TCF12: variants seen among roughly 807,000 people sequenced by gnomAD.
TCF12 encodes the protein transcription factor 12, also known as DNA-binding protein HTF4.
In TCF12, 45 loss-of-function variants were observed where a neutral mutation model predicts 86.0. The observed-to-expected ratio is 0.52, with a 90% CI of 0.41 to 0.67. The LOEUF is 0.67. Ranked by LOEUF, TCF12 falls within the 30% of genes least tolerant of loss-of-function variation. The pLI, the probability that TCF12 is intolerant of heterozygous loss-of-function variation, is 0.00. For synonymous variants in TCF12, 330 were observed against 299.6 expected (o/e 1.10, Z -1.05); for missense variants, 881 against 859.9 (o/e 1.02, Z -0.31).
chr15:57,010,148 A>G (rs1168648358), intron 3 of TCF12, among the ~76,000 whole-genome samples: 3 of 152,088 alleles, frequency 2.0e-5, no homozygotes, highest in Non-Finnish European at 2.9e-5. Context: ...TCCAATCCCA[A>G]AGTCCCCTCC....
intron 3 of TCF12, among the ~76,000 whole-genome samples, chr15:57,063,447 G>C (rs2068612824): frequency 6.6e-6 from 1 of 152,178 alleles, no homozygotes; most frequent in South Asian, 2.1e-4. Context: ...TCTACTCCTA[G>C]AAGTAGCAGT....
chr15:57,185,205 A>T (rs1367168512), intron 6 of TCF12, among the ~76,000 whole-genome samples: 3 of 152,248 alleles, frequency 2.0e-5, no homozygotes, highest in African/African-American at 7.2e-5. Context: ...AGGAGTCTGG[A>T]AAATTACATT....
chr15:57,256,952 G>C (rs2060375208), intron 16 of TCF12, among the ~76,000 whole-genome samples: 1 of 152,104 alleles, frequency 6.6e-6, no homozygotes, highest in African/African-American at 2.4e-5. Flanking sequence ...TTAGAAAAGG[G>C]TTTGATATGC....
intron 5 of TCF12, among the ~76,000 whole-genome samples, chr15:57,099,829 G>A (rs1217595815): frequency 1.3e-5 from 2 of 151,734 alleles, no homozygotes; most frequent in African/African-American, 4.8e-5. Flanking sequence ...ATCAACTGTG[G>A]CTTGAGACAA....
At chr15:57,201,930 G>T (rs2151764777) in intron 8 of TCF12, among the ~76,000 whole-genome samples, 1 of 152,062 alleles carries the variant, frequency 6.6e-6, no homozygotes, top group South Asian at 2.1e-4. Context: ...TTGGGGCAGG[G>T]TTTTTTCCTG....
chr15:57,228,057 G>A (rs559593170), intron 8 of TCF12, among the ~76,000 whole-genome samples: 1 of 152,110 alleles, frequency 6.6e-6, no homozygotes, highest in South Asian at 2.1e-4. Context: ...GATGACATAA[G>A]CAGTCTGATT....
intron 5 of TCF12, among the ~76,000 whole-genome samples, chr15:57,163,660 G>GT (rs1179889448): frequency 6.6e-6 from 1 of 152,210 alleles, no homozygotes; most frequent in African/African-American, 2.4e-5. Flanking sequence ...CTGTAATTAT[G>GT]TAACTGTGCT....
intron 3 of TCF12, among the ~76,000 whole-genome samples, chr15:56,929,305 CAG>C (rs1191597612): frequency 1.3e-5 from 2 of 152,048 alleles, no homozygotes; most frequent in Non-Finnish European, 2.9e-5. Flanking sequence ...ATCATTACAT[CAG>C]GGGGAAAAAT....
At chr15:57,057,423 C>T (rs1369101505) in intron 3 of TCF12, among the ~76,000 whole-genome samples, 1 of 152,192 alleles carries the variant, frequency 6.6e-6, no homozygotes, top group Non-Finnish European at 1.5e-5. Flanking sequence ...CTCACCTGTG[C>T]TGGTCCCTGA....
chr15:57,056,922 C>G (rs1403526873), intron 3 of TCF12, among the ~76,000 whole-genome samples: 1 of 151,494 alleles, frequency 6.6e-6, no homozygotes, highest in South Asian at 2.1e-4. Flanking sequence ...CTGTTGGCCT[C>G]TGGTGATTAT....
chr15:57,117,567 A>G (rs1378090091), intron 5 of TCF12, among the ~76,000 whole-genome samples: 34 of 152,180 alleles, frequency 2.2e-4, no homozygotes, highest in Admixed American at 2.2e-3. Context: ...TCTTGTTTGT[A>G]AGCATCAGTT....
intron 8 of TCF12, among the ~76,000 whole-genome samples, chr15:57,211,879 G>A (rs1411794842): frequency 1.3e-5 from 2 of 152,200 alleles, no homozygotes; most frequent in Admixed American, 1.3e-4. Context: ...GCTTGAGCCC[G>A]GGAGGTGGAG....
intron 6 of TCF12, among the ~76,000 whole-genome samples, chr15:57,180,263 G>A (rs557919568): frequency 3.3e-5 from 5 of 152,094 alleles, no homozygotes; most frequent in African/African-American, 1.2e-4. Context: ...ATGACTTGGG[G>A]TGAGAGACTT....
intron 12 of TCF12, 78 bp downstream of exon 12, chr15:57,234,185 G>A (rs1242121546): frequency 3.6e-6 from 4 of 1,126,398 alleles, no homozygotes; most frequent in South Asian, 1.3e-5. Context: ...TAGGTGATAA[G>A]TATCTAAAGA....
downstream of TCF12, among the ~76,000 whole-genome samples, chr15:57,290,281 T>C (rs2062055215): frequency 6.6e-6 from 1 of 151,086 alleles, no homozygotes; most frequent in African/African-American, 2.4e-5. Flanking sequence ...AGGTGGAGGT[T>C]TCAGTGAGCT....
intron 3 of TCF12, among the ~76,000 whole-genome samples, chr15:56,993,472 A>G (rs2063551868): frequency 6.6e-6 from 1 of 152,206 alleles, no homozygotes; most frequent in Non-Finnish European, 1.5e-5. Context: ...AAGAGTACCA[A>G]AGATGCAGCA....
chr15:56,990,615 A>G (rs1228980241), intron 3 of TCF12, among the ~76,000 whole-genome samples: 2 of 152,064 alleles, frequency 1.3e-5, no homozygotes, highest in Non-Finnish European at 2.9e-5. Flanking sequence ...CAGATTTGTT[A>G]TTAACACTAC....
chr15:57,039,802 A>G (rs1288070391), intron 3 of TCF12, among the ~76,000 whole-genome samples: 1 of 152,186 alleles, frequency 6.6e-6, no homozygotes, highest in Non-Finnish European at 1.5e-5. Context: ...CTCCTAAAGG[A>G]CAAGAAGAGT....
chr15:57,017,521 A>G (rs1291692626), intron 3 of TCF12, among the ~76,000 whole-genome samples: 1 of 152,214 alleles, frequency 6.6e-6, no homozygotes, highest in African/African-American at 2.4e-5. Flanking sequence ...CTGTTCCTTT[A>G]AGAAAAAGTT....
Sources: gnomAD v4.1 joint callset for allele counts (sites outside exome capture counted in the v4.1 genomes callset) on GRCh38, gnomAD v4.1.1 for gene constraint, MANE v1.5 for transcripts, NCBI Gene and HGNC (gene_info 2026-07-23, HGNC 2026-07-21) for gene names.